SH3PXD2B: variants seen among roughly 807,000 people sequenced by gnomAD.
The protein encoded by SH3PXD2B is SH3 and PX domains 2B.
Under a neutral mutation model 73.1 loss-of-function variants are expected in SH3PXD2B, and 37 were observed. That is an observed-to-expected ratio of 0.51 (90% confidence interval 0.39 to 0.67). The LOEUF is 0.67. Among genes scored for constraint, SH3PXD2B ranks in the 30% least tolerant of loss-of-function variants. The pLI is 0.00. For synonymous variants in SH3PXD2B, 457 were observed against 480.5 expected (o/e 0.95, Z 0.64); for missense variants, 1,053 against 1,197.8 (o/e 0.88, Z 1.78).
chr5:172,439,680 GCGCA>G (rs756914247), intron 1 of SH3PXD2B, among the ~76,000 whole-genome samples: 2,412 of 93,670 alleles, frequency 0.026, 23 homozygotes, highest in African/African-American at 0.03. Flanking sequence ...GCGTGCGTGC[GCGCA>G]CGCGCGCGCA....
chr5:172,422,576 C>T, intron 1 of SH3PXD2B, 80 bp from the exon 2 acceptor site: 2 of 1,358,758 alleles, frequency 1.5e-6, no homozygotes, highest in Non-Finnish European at 2.0e-6. Context: ...GAGCACAAGA[C>T]TCAGAGTCAG....
Position 172,424,681 on chromosome 5 carries a change from A to G in SH3PXD2B, c.76-2185T>C, listed in dbSNP as rs115114051. Among the ~76,000 whole-genome samples, 1,192 of 152,302 alleles carry G rather than the reference A, an allele frequency of 7.8e-3. 16 individuals carry two copies. The highest frequency in any genetic ancestry group is 0.027 in the African/African-American group (1,139 of 41,568). On this transcript the variant is annotated intron_variant, in intron 1 of 12. Transcript: ENST00000311601. ...CATGGCCTCATCAAACCCAACACAGATTATATTTCAAAACATGGCAGAAAT... is the reference window on the plus strand; with the variant it reads ...CATGGCCTCATCAAACCCAACACAGGTTATATTTCAAAACATGGCAGAAAT...
At chr5:172,428,420 C>A (rs1368050144) in intron 1 of SH3PXD2B, among the ~76,000 whole-genome samples, 2 of 152,186 alleles carry the variant, frequency 1.3e-5, no homozygotes, top group African/African-American at 2.4e-5. Context: ...AAAATAGCGA[C>A]AATAACAAGT....
At chr5:172,415,740 G>T (rs138934360) in intron 2 of SH3PXD2B, among the ~76,000 whole-genome samples, 1 of 152,308 alleles carries the variant, frequency 6.6e-6, no homozygotes, top group African/African-American at 2.4e-5. Context: ...GCTCTGCCTG[G>T]ATGCCAATTT....
intron 1 of SH3PXD2B, among the ~76,000 whole-genome samples, chr5:172,433,616 G>A (rs532143992): frequency 6.6e-6 from 1 of 152,280 alleles, no homozygotes; most frequent in South Asian, 2.1e-4. Context: ...CAGCCCAGCC[G>A]ATGGCACAGG....
chr5:172,443,405 C>G (rs904896234), intron 1 of SH3PXD2B, among the ~76,000 whole-genome samples: 1 of 152,202 alleles, frequency 6.6e-6, no homozygotes, highest in Admixed American at 6.5e-5. Flanking sequence ...CTGAATTCCA[C>G]CCATGTAAAG....
chr5:172,390,748 T>A (rs1231607807), intron 4 of SH3PXD2B, among the ~76,000 whole-genome samples: 1 of 151,780 alleles, frequency 6.6e-6, no homozygotes, highest in Non-Finnish European at 1.5e-5. Flanking sequence ...TACCTAAGAG[T>A]GGTCATATGA....
rs908084426 is a variant in SH3PXD2B at position 172,397,278 on chromosome 5, G to A, written c.233-2639C>T. ...CCGCCTAATAAATTTTGGTCAGACCGTTGTCTGCTCTCAAACCCTGTCTCC... is the reference window on the plus strand; with the variant it reads ...CCGCCTAATAAATTTTGGTCAGACCATTGTCTGCTCTCAAACCCTGTCTCC... On this transcript the variant is annotated intron_variant, in intron 3 of 12. Transcript: ENST00000311601. 9.9e-5 allele frequency among the ~76,000 whole-genome samples: 15 copies of A among 152,274 alleles called. No homozygotes were observed. The East Asian group carries it at 1.9e-3, about 20-fold the overall frequency.
chr5:172,368,792 TAC>T (rs1757633628), intron 6 of SH3PXD2B, among the ~76,000 whole-genome samples: 1 of 125,066 alleles, frequency 8.0e-6, no homozygotes, highest in Admixed American at 9.8e-5. Context: ...TAATATATAA[TAC>T]ACATATATAA....
At position 172,401,181 on chromosome 5, in the gene SH3PXD2B, G is replaced by A. The variant is rs991375392; in HGVS notation, c.232+5096C>T. 3.9e-5 allele frequency among the ~76,000 whole-genome samples: 6 copies of A among 152,142 alleles called. No homozygotes were observed. In the East Asian group the frequency reaches 5.8e-4, roughly 15 times the overall value. Reference sequence around the variant, plus strand: ...GCTTGGAGATTGGGTGGTGAGTCTCGAACATCACATTCAAATGCAGTGTGA... The same window carrying A: ...GCTTGGAGATTGGGTGGTGAGTCTCAAACATCACATTCAAATGCAGTGTGA... On this transcript the variant is annotated intron_variant, in intron 3 of 12. Coordinates refer to ENST00000311601, the MANE Select transcript of SH3PXD2B (RefSeq NM_001017995.3).
At position 172,362,715 on chromosome 5, in the gene SH3PXD2B, G is replaced by A; in HGVS notation, c.562+20C>T. 6.2e-7 allele frequency: 1 copy of A among 1,614,026 alleles called. No individual in the cohort carries two copies. The highest frequency in any genetic ancestry group is 8.5e-7 in the Non-Finnish European group (1 of 1,180,012). On this transcript the variant is annotated intron_variant, in intron 7 of 12. Coordinates refer to ENST00000311601, the MANE Select transcript of SH3PXD2B (RefSeq NM_001017995.3). ...CTTGGTGGCAGGGTAGTGGGAGAGGGAGATGGTCTAGGTCCCCACCTGACT... is the reference window on the plus strand; with the variant it reads ...CTTGGTGGCAGGGTAGTGGGAGAGGAAGATGGTCTAGGTCCCCACCTGACT...
intron 3 of SH3PXD2B, among the ~76,000 whole-genome samples, chr5:172,396,088 C>T (rs928293802): frequency 6.6e-6 from 1 of 151,454 alleles, no homozygotes; most frequent in Non-Finnish European, 1.5e-5. Context: ...CGTGGTGACT[C>T]ACGCCTGTAA....
chr5:172,437,871 G>A (rs892909054), intron 1 of SH3PXD2B, among the ~76,000 whole-genome samples: 3 of 152,058 alleles, frequency 2.0e-5, no homozygotes, highest in Admixed American at 2.0e-4. Context: ...TGTGCCAAAT[G>A]GGGAAATGGC....
intron 3 of SH3PXD2B, among the ~76,000 whole-genome samples, chr5:172,394,950 T>C (rs1035962826): frequency 7.9e-5 from 12 of 152,120 alleles, no homozygotes; most frequent in African/African-American, 2.7e-4. Context: ...AGAAAGAAGG[T>C]TGGACCCGAG....
At chr5:172,364,796 T>C (rs1047087791) in intron 6 of SH3PXD2B, among the ~76,000 whole-genome samples, 2 of 152,192 alleles carry the variant, frequency 1.3e-5, no homozygotes, top group Admixed American at 1.3e-4. Flanking sequence ...GGTGTCTTGT[T>C]GGTAGCTCGA....
rs889055861 is a variant in SH3PXD2B at position 172,393,319 on chromosome 5, G to C, written c.309+1244C>G. ...ATTTTATTCTTTTTGATGCTATTGG[G>C]AGTGGGACTGTTTTCTTAATTTCAT... On this transcript the variant is annotated intron_variant, in intron 4 of 12. Transcript: ENST00000311601. Among the ~76,000 whole-genome samples the C allele has an allele frequency of 5.3e-5, 8 of 152,118 alleles. No individual in the cohort carries two copies. In the East Asian group the frequency reaches 1.3e-3, roughly 26 times the overall value.
downstream of SH3PXD2B, among the ~76,000 whole-genome samples, chr5:172,331,726 C>A (rs1016473758): frequency 1.6e-4 from 25 of 152,118 alleles, no homozygotes; most frequent in African/African-American, 5.5e-4. Flanking sequence ...CCAAGGCGGG[C>A]GGATCACCTG....
chr5:172,415,253 G>T (rs1245460630), intron 2 of SH3PXD2B, among the ~76,000 whole-genome samples: 1 of 152,180 alleles, frequency 6.6e-6, no homozygotes, highest in Non-Finnish European at 1.5e-5. Context: ...AGAAGACAAA[G>T]GTTGCACGGT....
In SH3PXD2B at chr5:172,422,818, G is replaced by C. The variant is rs1388417252; in HGVS notation, c.76-322C>G. ...ACCCGCTCAGTTCAGTGAGAGACAG[G>C]CTGGCTATCTTGCCAGTCATTCCTA... On this transcript the variant is annotated intron_variant, in intron 1 of 12. Coordinates refer to ENST00000311601, the MANE Select transcript of SH3PXD2B (RefSeq NM_001017995.3). 2.0e-5 allele frequency among the ~76,000 whole-genome samples: 3 copies of C among 152,216 alleles called. 1 individual carries two copies. The highest frequency in any genetic ancestry group is 1.3e-4 in the Admixed American group (2 of 15,294).
Sources: gnomAD v4.1 joint callset for allele counts (sites outside exome capture counted in the v4.1 genomes callset) on GRCh38, gnomAD v4.1.1 for gene constraint, MANE v1.5 for transcripts, NCBI Gene and HGNC (gene_info 2026-07-23, HGNC 2026-07-21) for gene names.